OPHN1: variants seen among roughly 807,000 people sequenced by gnomAD.
The protein encoded by OPHN1 is oligophrenin 1, also known as oligophrenin-1.
In OPHN1, 11 loss-of-function variants were observed where a neutral mutation model predicts 60.7. The observed-to-expected ratio is 0.18, with a 90% CI of 0.11 to 0.30. The LOEUF (loss-of-function observed/expected upper bound fraction) is 0.30, where lower values mean the gene tolerates loss of function less well. Among genes scored for constraint, OPHN1 ranks in the 10% least tolerant of loss-of-function variants. The pLI, the probability that OPHN1 is intolerant of heterozygous loss-of-function variation, is 1.00. For missense variants in OPHN1, 449 were observed against 611.0 expected (o/e 0.73, Z 2.80); for synonymous variants, 226 against 222.6 (o/e 1.02, Z -0.14).
intron 2 of OPHN1, among the ~76,000 whole-genome samples, chrX:68,315,072 C>T (rs2147650682): frequency 9.2e-6 from 1 of 108,974 alleles, no homozygotes; most frequent in South Asian, 4.1e-4. Flanking sequence ...CAAAGGGAAG[C>T]CTGTCATGGT....
intron 6 of OPHN1, among the ~76,000 whole-genome samples, chrX:68,225,227 C>G (rs900068296): frequency 1.8e-5 from 2 of 111,910 alleles, no homozygotes; most frequent in Non-Finnish European, 3.8e-5. Flanking sequence ...AGCTGGGAAG[C>G]TCGAATTGGG....
intron 5 of OPHN1, among the ~76,000 whole-genome samples, chrX:68,273,222 T>C (rs1229831011): frequency 8.9e-6 from 1 of 112,041 alleles, no homozygotes; most frequent in East Asian, 2.8e-4. Context: ...ACTTGCTGTT[T>C]TCAAATTCTT....
intron 15 of OPHN1, among the ~76,000 whole-genome samples, chrX:68,179,981 C>A (rs1274349865): frequency 9.0e-6 from 1 of 111,353 alleles, no homozygotes; most frequent in African/African-American, 3.3e-5. Flanking sequence ...AAAGGCTCCA[C>A]CTCTTGATAA....
Position 68,324,732 on chromosome X carries a change from A to C in OPHN1, c.155-25636T>G, listed in dbSNP as rs574524700. ...AAAATGAATTTAAGAAAAAATGTGCATGAATTTCATATTAAAAATTTTAGA... is the reference window on the plus strand; with the variant it reads ...AAAATGAATTTAAGAAAAAATGTGCCTGAATTTCATATTAAAAATTTTAGA... On this transcript the variant is annotated intron_variant, in intron 2 of 24. Transcript: ENST00000355520. Among the ~76,000 whole-genome samples the C allele has an allele frequency of 5.1e-4, 57 of 111,269 alleles. 2 individuals carry two copies. The South Asian group carries it at 0.017, about 34-fold the overall frequency.
At chrX:68,306,849 C>T (rs2078147640) in intron 2 of OPHN1, among the ~76,000 whole-genome samples, 1 of 110,871 alleles carries the variant, frequency 9.0e-6, no homozygotes, top group South Asian at 3.8e-4. Context: ...CAGCCTCCCA[C>T]ATAGCTAAGA....
At chrX:68,251,310 C>T (rs1376370064) in intron 5 of OPHN1, among the ~76,000 whole-genome samples, 34 of 106,008 alleles carry the variant, frequency 3.2e-4, no homozygotes, top group Admixed American at 2.9e-3. Flanking sequence ...CCTAGCCTCC[C>T]GAGTAGCTGG....
At chrX:68,061,277 G>A (rs2076891938) in intron 21 of OPHN1, among the ~76,000 whole-genome samples, 1 of 111,771 alleles carries the variant, frequency 8.9e-6, no homozygotes, top group Non-Finnish European at 1.9e-5. Context: ...GATCAGAGTA[G>A]CTGCCGCCAG....
chrX:68,348,581 T>G, intron 2 of OPHN1, among the ~76,000 whole-genome samples: 1 of 111,877 alleles, frequency 8.9e-6, no homozygotes. Flanking sequence ...TGATTGCTAC[T>G]TTCTTATTTA....
intron 2 of OPHN1, among the ~76,000 whole-genome samples, chrX:68,381,160 T>C (rs1270464465): frequency 9.0e-6 from 1 of 111,723 alleles, no homozygotes; most frequent in Non-Finnish European, 1.9e-5. Flanking sequence ...TGCCAAAACA[T>C]AGTATGAGAA....
chrX:68,327,741 T>C (rs1602329253), intron 2 of OPHN1, among the ~76,000 whole-genome samples: 1 of 49,390 alleles, frequency 2.0e-5, no homozygotes. Flanking sequence ...CCCTGCCAAA[T>C]CCCCCTCTGC....
chrX:68,070,182 A>C (rs1178577170), intron 20 of OPHN1, among the ~76,000 whole-genome samples: 2 of 111,913 alleles, frequency 1.8e-5, no homozygotes, highest in Non-Finnish European at 3.8e-5. Context: ...GTAGTGAAAC[A>C]GTGACAAAGC....
chrX:68,343,287 CG>C (rs1336892855), intron 2 of OPHN1, among the ~76,000 whole-genome samples: 957 of 82,028 alleles, frequency 0.012, 17 homozygotes, highest in African/African-American at 0.044. Flanking sequence ...AAAAAAAAAG[CG>C]GGGGGGGAGG....
intron 6 of OPHN1, among the ~76,000 whole-genome samples, chrX:68,221,471 G>A (rs2077657669): frequency 1.4e-5 from 1 of 71,752 alleles, no homozygotes; most frequent in South Asian, 1.0e-3. Flanking sequence ...GCATCGCCAA[G>A]TCAATCCTAA....
intron 19 of OPHN1, among the ~76,000 whole-genome samples, chrX:68,076,295 T>C (rs1262630262): frequency 9.1e-6 from 1 of 109,992 alleles, no homozygotes; most frequent in Non-Finnish European, 1.9e-5. Flanking sequence ...ATTAGAATGG[T>C]TGAAATTTTT....
chrX:68,052,651 G>A, intron 22 of OPHN1, 61 bp from the exon 23 acceptor site: 1 of 1,039,514 alleles, frequency 9.6e-7, no homozygotes, highest in African/African-American at 1.8e-5. Context: ...AGAACCAATG[G>A]CCAACAGAAA....
intron 5 of OPHN1, among the ~76,000 whole-genome samples, chrX:68,246,329 T>G (rs2076901970): frequency 8.9e-6 from 1 of 112,066 alleles, no homozygotes; most frequent in Non-Finnish European, 1.9e-5. Flanking sequence ...GCTCTGTTTT[T>G]AATGCAAGAG....
chrX:68,181,129 C>T (rs1294006708), intron 15 of OPHN1, among the ~76,000 whole-genome samples: 2 of 111,217 alleles, frequency 1.8e-5, no homozygotes, highest in South Asian at 7.6e-4. Flanking sequence ...GTTATTAAGA[C>T]AATATTGCAA....
Position 68,073,273 on chromosome X carries a change from G to A in OPHN1, c.1713C>T (p.Ser571=), listed in dbSNP as rs751985783. Residue 571 remains serine, a synonymous_variant, in exon 20 of 25, where the codon AGC becomes AGT. Coordinates refer to ENST00000355520, the MANE Select transcript of OPHN1 (RefSeq NM_002547.3). The part of the protein sequence containing the change: ...GKIYLGPPEE[S]AAPPVPPPRV... ...GAGGCGGAGGCACTGGCGGTGCAGC[G>A]CTTTCCTCAGGTGGACCTAAATAGA... The A allele has an allele frequency of 5.0e-6, 6 of 1,208,711 alleles. No individual in the cohort carries two copies. Among genetic ancestry groups the A allele is most frequent in the Admixed American group, 2.2e-5 (1 of 45,735 alleles).
At chrX:68,307,666 T>C (rs1358376537) in intron 2 of OPHN1, among the ~76,000 whole-genome samples, 1 of 110,869 alleles carries the variant, frequency 9.0e-6, no homozygotes, top group East Asian at 2.8e-4. Context: ...TCCTAATTAG[T>C]TTCCACTTAT....
Sources: allele counts gnomAD v4.1 joint callset (sites outside exome capture counted in the v4.1 genomes callset), GRCh38; gene constraint gnomAD v4.1.1; transcripts MANE v1.5; gene names NCBI Gene and HGNC (gene_info 2026-07-23, HGNC 2026-07-21).